Variants in SEMA3D observed in about 807,000 individuals in gnomAD.
SEMA3D encodes semaphorin 3D.
In SEMA3D, 84 loss-of-function variants were observed where a neutral mutation model predicts 100.1. The ratio of observed to expected loss-of-function variants is 0.84; its 90% CI spans 0.70 to 1.01. The LOEUF is 1.01. SEMA3D is among the 50% of genes least tolerant of loss of function. The pLI, the probability that SEMA3D is intolerant of heterozygous loss-of-function variation, is 0.00. For synonymous variants in SEMA3D, 312 were observed against 320.7 expected (o/e 0.97, Z 0.29); for missense variants, 875 against 934.1 (o/e 0.94, Z 0.82).
intron 12 of SEMA3D, 136 bp from the exon 13 acceptor site, chr7:85,022,749 T>G (rs1282121690): frequency 1.6e-6 from 1 of 625,416 alleles, no homozygotes; most frequent in Non-Finnish European, 2.8e-6. Context: ...TGGAATCATG[T>G]GTACTTGTAA....
intron 12 of SEMA3D, among the ~76,000 whole-genome samples, chr7:85,031,747 G>T (rs952079614): frequency 4.6e-5 from 7 of 151,950 alleles, no homozygotes; most frequent in African/African-American, 1.7e-4. Flanking sequence ...AATGTAGTGA[G>T]ATAACGTATA....
In SEMA3D at chr7:85,022,575, G is replaced by A. The variant is rs147118047; in HGVS notation, c.1230C>T (p.Thr410=). Residue 410 remains threonine (T), a synonymous_variant, in exon 13 of 19, where the codon ACC becomes ACT. Coordinates refer to ENST00000284136, the MANE Select transcript of SEMA3D (RefSeq NM_001384900.1). ...SKTYDPLIKS[T]RDFPDDVISF... is the part of the protein sequence containing the mutation. ...TGATGACATCATCTGGAAAATCTCGGGTGGACTTAATCAGTGGGTCATAGG... is the reference window on the plus strand; with the variant it reads ...TGATGACATCATCTGGAAAATCTCGAGTGGACTTAATCAGTGGGTCATAGG... The A allele has an allele frequency of 2.4e-4, 380 of 1,612,250 alleles. 1 individual carries two copies. The African/African-American group carries it at 4.4e-3, about 19-fold the overall frequency.
chr7:85,118,387 G>GT (rs572715404), intron 3 of SEMA3D, among the ~76,000 whole-genome samples: 73 of 151,774 alleles, frequency 4.8e-4, no homozygotes, highest in African/African-American at 1.5e-3. Flanking sequence ...AAATTTTCCT[G>GT]TTTTTTTGTA....
At chr7:85,110,511 T>C (rs1789064468) in intron 3 of SEMA3D, among the ~76,000 whole-genome samples, 3 of 151,926 alleles carry the variant, frequency 2.0e-5, no homozygotes, top group Non-Finnish European at 4.4e-5. Context: ...CATTCCTCCT[T>C]GAAAACTTTT....
chr7:85,089,625 A>T (rs1002074034), intron 4 of SEMA3D, among the ~76,000 whole-genome samples: 3 of 152,262 alleles, frequency 2.0e-5, no homozygotes, highest in African/African-American at 7.2e-5. Context: ...CATGCCCTGT[A>T]ATCCTAGCAC....
At chr7:85,196,884 G>A in the SEMA3D span, among the ~76,000 whole-genome samples, 1 of 152,122 alleles carries the variant, frequency 6.6e-6, no homozygotes, top group Non-Finnish European at 1.5e-5. Flanking sequence ...TGTACTGTGG[G>A]TGGAAATATT....
At chr7:85,148,393 A>G (rs1790275461) in intron 2 of SEMA3D, among the ~76,000 whole-genome samples, 1 of 152,178 alleles carries the variant, frequency 6.6e-6, no homozygotes, top group African/African-American at 2.4e-5. Context: ...TAAGCAGGAA[A>G]TGGTTAACAT....
chr7:85,104,308 C>T (rs1470527618), intron 3 of SEMA3D, among the ~76,000 whole-genome samples: 1 of 151,968 alleles, frequency 6.6e-6, no homozygotes, highest in Admixed American at 6.6e-5. Flanking sequence ...TGACAAAGGA[C>T]AACCATATAA....
At chr7:85,244,101 T>C in the SEMA3D span, among the ~76,000 whole-genome samples, 1 of 152,174 alleles carries the variant, frequency 6.6e-6, no homozygotes, top group East Asian at 1.9e-4. Flanking sequence ...TGGCTGAAGA[T>C]TCTCATGGAT....
chr7:85,046,090 C>A (rs1345123722), intron 9 of SEMA3D, among the ~76,000 whole-genome samples: 1 of 151,848 alleles, frequency 6.6e-6, no homozygotes, highest in Non-Finnish European at 1.5e-5. Context: ...TTGTCTTACC[C>A]ATCACAGAAT....
chr7:85,050,183 A>G (rs551305094), intron 9 of SEMA3D, among the ~76,000 whole-genome samples: 2 of 151,830 alleles, frequency 1.3e-5, no homozygotes, highest in Non-Finnish European at 2.9e-5. Context: ...CTAACTTGCA[A>G]AGTAAATAGA....
intron 1 of SEMA3D, among the ~76,000 whole-genome samples, chr7:85,176,046 T>A (rs1791214636): frequency 1.3e-5 from 2 of 151,874 alleles, no homozygotes; most frequent in Admixed American, 1.3e-4. Context: ...CAAGCCATCA[T>A]GAAGATATAT....
the SEMA3D span, among the ~76,000 whole-genome samples, chr7:85,207,228 G>A: frequency 4.5e-4 from 68 of 152,036 alleles, no homozygotes; most frequent in Non-Finnish European, 7.1e-4. Flanking sequence ...GAAAGATATC[G>A]GGGTGTTTTC....
the SEMA3D span, among the ~76,000 whole-genome samples, chr7:85,224,805 T>G: frequency 0.16 from 23,880 of 151,684 alleles, 4,397 homozygotes; most frequent in African/African-American, 0.45. Context: ...TATTCTCTAT[T>G]GCAATATTTT....
At chr7:85,173,416 G>C (rs2116554078) in intron 1 of SEMA3D, among the ~76,000 whole-genome samples, 1 of 152,156 alleles carries the variant, frequency 6.6e-6, no homozygotes, top group South Asian at 2.1e-4. Flanking sequence ...ACTGTAGCAT[G>C]ATCTATTGCA....
chr7:85,091,863 T>C (rs1230185856), intron 4 of SEMA3D, among the ~76,000 whole-genome samples: 1 of 152,096 alleles, frequency 6.6e-6, no homozygotes, highest in African/African-American at 2.4e-5. Context: ...TCTTCTTTTA[T>C]ATACTTTCTC....
rs1338599035 is a variant in SEMA3D at position 84,999,091 on chromosome 7, C to T, written c.*349G>A. ...GTAAATTCCATGCTTAATGGACATTCGAGGGAATAAAGCACCTTATACACT... is the reference window on the plus strand; with the variant it reads ...GTAAATTCCATGCTTAATGGACATTTGAGGGAATAAAGCACCTTATACACT... On this transcript the variant is annotated 3_prime_UTR_variant, in exon 19 of 19. Coordinates refer to ENST00000284136, the MANE Select transcript of SEMA3D (RefSeq NM_001384900.1). 4.2e-6 allele frequency: 1 copy of T among 236,174 alleles called. No individual in the cohort carries two copies. Among genetic ancestry groups the T allele is most frequent in the South Asian group, 7.3e-5 (1 of 13,744 alleles). 14.6% of individuals were successfully genotyped at this position (236,174 alleles called of 1,614,324 possible).
intron 8 of SEMA3D, among the ~76,000 whole-genome samples, chr7:85,063,143 T>C (rs1791523371): frequency 1.3e-5 from 2 of 152,208 alleles, no homozygotes; most frequent in African/African-American, 4.8e-5. Context: ...GATTCTATTG[T>C]TAATAGATTC....
intron 11 of SEMA3D, among the ~76,000 whole-genome samples, chr7:85,040,418 G>T (rs959154907): frequency 6.6e-6 from 1 of 152,022 alleles, no homozygotes; most frequent in African/African-American, 2.4e-5. Flanking sequence ...TAACAGAAAT[G>T]TCCATGTTCA....
Sources: allele counts gnomAD v4.1 joint callset (sites outside exome capture counted in the v4.1 genomes callset), GRCh38; gene constraint gnomAD v4.1.1; transcripts MANE v1.5; gene names NCBI Gene and HGNC (gene_info 2026-07-23, HGNC 2026-07-21).